PPFIBP1: variants seen among roughly 807,000 people sequenced by gnomAD.
The protein encoded by PPFIBP1 is liprin-beta-1.
Under a neutral mutation model 137.8 loss-of-function variants are expected in PPFIBP1, and 112 were observed. That is an observed-to-expected ratio of 0.81 (90% CI 0.70 to 0.95). The LOEUF is 0.95. PPFIBP1 is among the 40% of genes least tolerant of loss of function. The pLI is 0.00. For synonymous variants in PPFIBP1, 378 were observed against 417.3 expected, an observed-to-expected ratio of 0.91 and a Z score of 1.15; for missense variants, 1,083 against 1,196.6, an observed-to-expected ratio of 0.91 and a Z score of 1.40.
chr12:27,570,605 C>T (rs2050057463), intron 1 of PPFIBP1, among the ~76,000 whole-genome samples: 1 of 152,134 alleles, frequency 6.6e-6, no homozygotes, highest in South Asian at 2.1e-4. Context: ...CATATGATAG[C>T]ATACCTCAGA....
intron 2 of PPFIBP1, among the ~76,000 whole-genome samples, chr12:27,616,881 A>C (rs2055817589): frequency 6.6e-6 from 1 of 152,138 alleles, no homozygotes; most frequent in Non-Finnish European, 1.5e-5. Flanking sequence ...GTTTTATAGG[A>C]ATTTTTAGAG....
In PPFIBP1 at chr12:27,550,115, T is replaced by G. The variant is rs369160713; in HGVS notation, c.-124+25750T>G. 1.9e-4 allele frequency among the ~76,000 whole-genome samples: 29 copies of G among 152,288 alleles called. No individual in the cohort carries two copies. In the South Asian group the frequency reaches 4.1e-3, roughly 22 times the overall value. On this transcript the variant is annotated intron_variant, in intron 1 of 29. Coordinates refer to ENST00000228425, the MANE Select transcript of PPFIBP1 (RefSeq NM_003622.4). ...TATATGCCAAGAGTTATAACTAAAT[T>G]TGTAAAAAGCACCTTCTTATACTCT...
At chr12:27,547,464 C>T (rs567730679) in intron 1 of PPFIBP1, 30 of 152,252 alleles carry the variant, frequency 2.0e-4, no homozygotes, top group African/African-American at 6.5e-4. Context: ...GTGACTTCCT[C>T]GTACAATTAG....
At chr12:27,531,646 A>G (rs1944446812) in intron 1 of PPFIBP1, among the ~76,000 whole-genome samples, 1 of 152,078 alleles carries the variant, frequency 6.6e-6, no homozygotes, top group Non-Finnish European at 1.5e-5. Context: ...CAGCACATGG[A>G]AGATCTTCAA....
chr12:27,533,603 G>A (rs1013814330), intron 1 of PPFIBP1, among the ~76,000 whole-genome samples: 28 of 152,286 alleles, frequency 1.8e-4, no homozygotes, highest in African/African-American at 6.7e-4. Context: ...TGAACTGTTA[G>A]TTGACATTAT....
At chr12:27,631,464 T>C (rs1034933412) in intron 2 of PPFIBP1, among the ~76,000 whole-genome samples, 3 of 152,220 alleles carry the variant, frequency 2.0e-5, no homozygotes, top group African/African-American at 7.2e-5. Context: ...CATATGTGTT[T>C]ATTACTTGTA....
intron 1 of PPFIBP1, among the ~76,000 whole-genome samples, chr12:27,569,848 C>G (rs549864625): frequency 6.6e-6 from 1 of 152,088 alleles, no homozygotes; most frequent in Non-Finnish European, 1.5e-5. Context: ...TGTGAGCCAC[C>G]GCGTCCAGCC....
Position 27,656,663 on chromosome 12 carries a change from A to G in PPFIBP1, c.744A>G (p.Glu248=), listed in dbSNP as rs759054037. 1 of 1,612,988 alleles carries G rather than the reference A, an allele frequency of 6.2e-7. No homozygotes were observed. The highest frequency in any genetic ancestry group is 1.3e-5 in the African/African-American group (1 of 74,908). Residue 248 remains glutamate (E), a synonymous_variant, in exon 9 of 30, where the codon GAA becomes GAG. Transcript: ENST00000228425. ...AACAACTAGAAGAAAAGGAATCTGA[A>G]GTAAAAAGGCTACAAGAAAAATTGG... ...LKEQLEEKES[E]VKRLQEKLVC...
At chr12:27,543,656 G>A (rs141421090) in intron 1 of PPFIBP1, among the ~76,000 whole-genome samples, 7 of 152,244 alleles carry the variant, frequency 4.6e-5, no homozygotes, top group African/African-American at 1.7e-4. Flanking sequence ...TACAGTTAAG[G>A]TCAGTGATTA....
At chr12:27,637,138 G>C (rs1477455833) in intron 4 of PPFIBP1, 1 of 152,122 alleles carries the variant, frequency 6.6e-6, no homozygotes, top group Non-Finnish European at 1.5e-5. Flanking sequence ...CAATGTGTTT[G>C]TGATGTTTAT....
At chr12:27,591,970 C>A (rs2052570419) in intron 2 of PPFIBP1, among the ~76,000 whole-genome samples, 1 of 152,230 alleles carries the variant, frequency 6.6e-6, no homozygotes, top group African/African-American at 2.4e-5. Flanking sequence ...GGTCACGCTG[C>A]TACCTACTGA....
At chr12:27,606,622 G>A (rs942067029) in intron 2 of PPFIBP1, among the ~76,000 whole-genome samples, 3 of 152,194 alleles carry the variant, frequency 2.0e-5, no homozygotes, top group Non-Finnish European at 4.4e-5. Flanking sequence ...AGATGTCTGG[G>A]CCGAAAATAA....
At chr12:27,566,095 TTAAG>T (rs1328836926) in intron 1 of PPFIBP1, among the ~76,000 whole-genome samples, 2 of 152,196 alleles carry the variant, frequency 1.3e-5, no homozygotes, top group African/African-American at 4.8e-5. Context: ...TACCTTATTA[TTAAG>T]TTTTTTTGGT....
In PPFIBP1 at chr12:27,673,841, T is replaced by G. The variant is rs2140229473; in HGVS notation, c.1380+14T>G. The G allele has an allele frequency of 2.5e-6, 4 of 1,592,864 alleles. No individual in the cohort carries two copies. The highest frequency in any genetic ancestry group is 2.2e-5 in the South Asian group (2 of 90,042). On this transcript the variant is annotated intron_variant, in intron 16 of 29. Transcript: ENST00000228425. ...ACATCTGATGGGGTGGGTTCTGTGT[T>G]TTTTGTTTTTTTTTGTCTGTTATCC... is the stretch of plus-strand genomic sequence containing the variant.
intron 1 of PPFIBP1, chr12:27,549,008 C>G (rs180905593): frequency 2.6e-5 from 4 of 152,308 alleles, no homozygotes; most frequent in Admixed American, 1.3e-4. Context: ...TATAAAAACA[C>G]CCACCTCTGA....
At chr12:27,681,429 A>G in intron 21 of PPFIBP1, 117 bp from the exon 22 acceptor site, 1 of 1,204,910 alleles carries the variant, frequency 8.3e-7, no homozygotes, top group Non-Finnish European at 1.2e-6. Context: ...TTTCATGGTC[A>G]AATGTGTATC....
At chr12:27,549,772 C>T (rs1014163823) in intron 1 of PPFIBP1, among the ~76,000 whole-genome samples, 5 of 152,300 alleles carry the variant, frequency 3.3e-5, no homozygotes, top group Non-Finnish European at 4.4e-5. Flanking sequence ...CTGAACCACT[C>T]ACTTATGCAC....
chr12:27,594,309 C>G (rs1196416787), intron 2 of PPFIBP1, among the ~76,000 whole-genome samples: 1 of 150,604 alleles, frequency 6.6e-6, no homozygotes, highest in Non-Finnish European at 1.5e-5. Flanking sequence ...TCCCAAATAG[C>G]TGGGATTATA....
intron 2 of PPFIBP1, among the ~76,000 whole-genome samples, chr12:27,609,510 A>G (rs1391813271): frequency 6.6e-6 from 1 of 152,064 alleles, no homozygotes; most frequent in African/African-American, 2.4e-5. Context: ...TGTCCAGTCT[A>G]CCAACTCCCA....
Sources: allele counts gnomAD v4.1 joint callset (sites outside exome capture counted in the v4.1 genomes callset), GRCh38; gene constraint gnomAD v4.1.1; transcripts MANE v1.5; gene names NCBI Gene and HGNC (gene_info 2026-07-23, HGNC 2026-07-21).